DNAH17: variants seen among roughly 807,000 people sequenced by gnomAD.
DNAH17 encodes dynein axonemal heavy chain 17.
DNAH17 carries 376 observed loss-of-function variants against 485.6 expected under a neutral mutation model. That is an observed-to-expected ratio of 0.77 (90% confidence interval 0.71 to 0.84). DNAH17 has a LOEUF of 0.84. Ranked by LOEUF, DNAH17 falls within the 40% of genes least tolerant of loss-of-function variation. DNAH17 has a pLI of 0.00. For synonymous variants in DNAH17, 3,031 were observed against 2,405.9 expected, an observed-to-expected ratio of 1.26 and a Z score of -7.60; for missense variants, 6,370 against 5,839.3, an observed-to-expected ratio of 1.09 and a Z score of -2.96.
At position 78,468,895 on chromosome 17, in the gene DNAH17, G is replaced by A. The variant is rs751042682; in HGVS notation, c.8512-12C>T. The A allele has an allele frequency of 3.1e-6, 5 of 1,609,946 alleles. No homozygotes were observed. Among genetic ancestry groups the A allele is most frequent in the Non-Finnish European group, 4.2e-6 (5 of 1,178,480 alleles). On this transcript the variant is annotated splice_polypyrimidine_tract_variant and intron_variant, in intron 54 of 80. Transcript: ENST00000389840. Reference sequence around the variant, plus strand: ...GCAGCGAGGTCAATCTGGACGGAGTGAGGACACGCTTAGGGGCCTTGGTAA... The same window carrying A: ...GCAGCGAGGTCAATCTGGACGGAGTAAGGACACGCTTAGGGGCCTTGGTAA...
chr17:78,503,721 T>G (rs1157044535), intron 31 of DNAH17, among the ~76,000 whole-genome samples: 1 of 151,838 alleles, frequency 6.6e-6, no homozygotes, highest in Non-Finnish European at 1.5e-5. Context: ...ATCCCAGCAC[T>G]TTGGGAGGCT....
intron 3 of DNAH17, 132 bp downstream of exon 3, chr17:78,572,569 C>G (rs8073280): frequency 1.1e-6 from 1 of 871,396 alleles, no homozygotes; most frequent in East Asian, 2.7e-5. Context: ...TGCATTTCCC[C>G]GGCTTTAACA....
chr17:78,501,055 C>A (rs1443507950), intron 35 of DNAH17, 129 bp downstream of exon 35: 26 of 1,115,436 alleles, frequency 2.3e-5, no homozygotes, highest in Non-Finnish European at 3.2e-5. Flanking sequence ...AATGTGAACA[C>A]AGGTCCACCT....
intron 57 of DNAH17, 101 bp from the exon 58 acceptor site, chr17:78,461,809 C>G: frequency 8.4e-7 from 1 of 1,184,506 alleles, no homozygotes; most frequent in Non-Finnish European, 1.2e-6. Flanking sequence ...AGGGGCAGAA[C>G]GGCAGGGCCG....
chr17:78,558,759 C>T (rs1025391293), intron 13 of DNAH17, among the ~76,000 whole-genome samples: 1 of 152,182 alleles, frequency 6.6e-6, no homozygotes, highest in South Asian at 2.1e-4. Context: ...TGGAATCTAA[C>T]CTTCTGTTTT....
At chr17:78,543,281 ATTTTTGT>A (rs1377136410) in intron 17 of DNAH17, among the ~76,000 whole-genome samples, 4 of 141,216 alleles carry the variant, frequency 2.8e-5, no homozygotes, top group African/African-American at 8.2e-5. Context: ...TGCCCGGTTA[ATTTTTGT>A]TTTTTTTTTT....
At chr17:78,451,392 G>A (rs542083592) in intron 66 of DNAH17, 77 bp downstream of exon 66, 34 of 1,393,586 alleles carry the variant, frequency 2.4e-5, no homozygotes, top group Admixed American at 1.1e-4. Flanking sequence ...AGCCCTGGTC[G>A]GGGACCCTCA....
intron 14 of DNAH17, among the ~76,000 whole-genome samples, chr17:78,557,259 A>G (rs56029762): frequency 0.35 from 53,157 of 151,970 alleles, 9,619 homozygotes; most frequent in African/African-American, 0.41. Context: ...GAAGTAATGG[A>G]AGCAATGTTG....
intron 11 of DNAH17, among the ~76,000 whole-genome samples, chr17:78,563,291 A>G (rs2092197252): frequency 6.6e-6 from 1 of 152,212 alleles, no homozygotes; most frequent in Non-Finnish European, 1.5e-5. Context: ...ACTCTCAGGC[A>G]GACATGGAAA....
At chr17:78,535,556 C>T (rs564600808) in intron 19 of DNAH17, among the ~76,000 whole-genome samples, 33 of 152,304 alleles carry the variant, frequency 2.2e-4, no homozygotes, top group African/African-American at 7.9e-4. Context: ...ACACGCACAT[C>T]CCTCCCTCCT....
intron 13 of DNAH17, 129 bp from the exon 14 acceptor site, chr17:78,558,383 G>A (rs1226760123): frequency 1.7e-5 from 20 of 1,177,954 alleles, no homozygotes; most frequent in Admixed American, 1.1e-4. Flanking sequence ...GTTGGTGGGA[G>A]GCAGTATTTG....
intron 11 of DNAH17, among the ~76,000 whole-genome samples, chr17:78,564,388 G>A (rs888911913): frequency 5.9e-5 from 9 of 152,222 alleles, no homozygotes; most frequent in Non-Finnish European, 7.4e-5. Context: ...TTTCCACATC[G>A]GAACAGCAGC....
chr17:78,458,924 T>TTCA, intron 61 of DNAH17, 77 bp downstream of exon 61: 1 of 1,497,368 alleles, frequency 6.7e-7, no homozygotes, highest in Admixed American at 1.8e-5. Flanking sequence ...CCAACCCATT[T>TTCA]TCAACAGAGG....
chr17:78,451,498 T>G lies in DNAH17; in HGVS notation c.10705A>C (p.Lys3569Gln). The G allele has an allele frequency of 6.2e-7, 1 of 1,613,176 alleles. No homozygotes were observed. Among genetic ancestry groups the G allele is most frequent in the Middle Eastern group, 1.7e-4 (1 of 6,052 alleles). The part of the protein sequence containing the change: ...EDQLLAAVVA[K>Q]ERPDLEQLKA... ...AGCTGTTCCAGATCTGGGCGCTCTT[T>G]GGCCACCACAGCGGCCAAGAGTTGG... Residue 3569 changes from lysine to glutamine, a missense_variant, in exon 66 of 81, where the codon AAA becomes CAA. Transcript: ENST00000389840.
At chr17:78,515,977 A>G (rs1448859632) in intron 25 of DNAH17, among the ~76,000 whole-genome samples, 2 of 152,238 alleles carry the variant, frequency 1.3e-5, no homozygotes, top group Non-Finnish European at 2.9e-5. Context: ...CAGTATAAAC[A>G]TGAAAATGGC....
At chr17:78,477,681 T>G (rs1445881102) in intron 51 of DNAH17, among the ~76,000 whole-genome samples, 2 of 152,188 alleles carry the variant, frequency 1.3e-5, no homozygotes, top group African/African-American at 4.8e-5. Flanking sequence ...CCGGCTGGGC[T>G]GATACTTTAC....
Position 78,499,130 on chromosome 17 carries a change from G to A in DNAH17, c.5641-18C>T. On this transcript the variant is annotated intron_variant, in intron 36 of 80. Transcript: ENST00000389840. ...CCACAGGACTGGAAAGGGCGAGATG[G>A]AGAAAGGAAGAGCTGGGAGGGTGAC... 2 of 1,531,306 alleles carry A rather than the reference G, an allele frequency of 1.3e-6. No homozygotes were observed. Among genetic ancestry groups the A allele is most frequent in the Non-Finnish European group, 1.8e-6 (2 of 1,135,348 alleles). The allele number at this position is 1,531,306 out of a possible 1,614,324, so 94.9% of individuals were successfully genotyped here.
intron 19 of DNAH17, among the ~76,000 whole-genome samples, chr17:78,536,540 G>T (rs116640184): frequency 0.014 from 2,096 of 151,938 alleles, 48 homozygotes; most frequent in African/African-American, 0.049. Context: ...ACCAAGCTGG[G>T]CTTGGTGATG....
chr17:78,502,763 T>A, intron 32 of DNAH17, 65 bp from the exon 33 acceptor site: 1 of 1,592,994 alleles, frequency 6.3e-7, no homozygotes, highest in Non-Finnish European at 8.5e-7. Context: ...AACGCAGACA[T>A]TCCTGCTGAA....
Sources: gnomAD v4.1 joint callset for allele counts (sites outside exome capture counted in the v4.1 genomes callset) on GRCh38, gnomAD v4.1.1 for gene constraint, MANE v1.5 for transcripts, NCBI Gene and HGNC (gene_info 2026-07-23, HGNC 2026-07-21) for gene names.